Variants in TMEM132B observed in about 807,000 individuals in gnomAD.
The protein encoded by TMEM132B is transmembrane protein 132B.
In TMEM132B, 18 loss-of-function variants were observed where a neutral mutation model predicts 90.8. That is an observed-to-expected ratio of 0.20 (90% CI 0.14 to 0.29). TMEM132B has a LOEUF of 0.29. Ranked by LOEUF, TMEM132B falls within the 10% of genes least tolerant of loss-of-function variation. TMEM132B has a pLI of 1.00. For missense variants in TMEM132B, 1,096 were observed against 1,326.8 expected (o/e 0.83, Z 2.70); for synonymous variants, 504 against 523.3 (o/e 0.96, Z 0.50).
chr12:125,490,345 G>T lies in TMEM132B; in HGVS notation c.1107-29094G>T, dbSNP rs1269680802. On this transcript the variant is annotated intron_variant, in intron 3 of 8. Coordinates refer to ENST00000682704, the MANE Select transcript of TMEM132B (RefSeq NM_001366854.1). The surrounding 1 kb of genome is among the most constrained non-coding windows in gnomAD (Gnocchi z 4.2). ...GGGAATTCATACCCGTATCTGCCCA[G>T]CCTCAAAGTTCAACTCTTGTTGATG... Among the ~76,000 whole-genome samples the T allele has an allele frequency of 2.0e-5, 3 of 152,086 alleles. No homozygotes were observed. The highest frequency in any genetic ancestry group is 4.4e-5 in the Non-Finnish European group (3 of 68,024).
chr12:125,462,281 T>A (rs527847318), intron 3 of TMEM132B, among the ~76,000 whole-genome samples: 8 of 152,338 alleles, frequency 5.3e-5, no homozygotes, highest in African/African-American at 1.9e-4. Flanking sequence ...GCCAATTTGA[T>A]TCCTAAGTAG....
intron 3 of TMEM132B, among the ~76,000 whole-genome samples, chr12:125,479,191 A>C (rs1881973272): frequency 6.6e-6 from 1 of 152,238 alleles, no homozygotes; most frequent in African/African-American, 2.4e-5. Context: ...TGCTAGGAAG[A>C]AACTGCATCA....
rs7136024 is a variant in TMEM132B at position 125,545,000 on chromosome 12, A to G, written c.1293+25375A>G. Among the ~76,000 whole-genome samples, 637 of 152,338 alleles carry G rather than the reference A, an allele frequency of 4.2e-3. 5 individuals are homozygous for G. Among genetic ancestry groups the G allele is most frequent in the African/African-American group, 0.014 (594 of 41,562 alleles). ...CTCCTATGGGTCAAATGGCTGTGTG[A>G]TTCAGAGAATATAAACTGTAGGCTT... is the stretch of plus-strand genomic sequence containing the variant. On this transcript the variant is annotated intron_variant, in intron 4 of 8. Transcript: ENST00000682704.
intron 1 of TMEM132B, among the ~76,000 whole-genome samples, chr12:125,208,492 G>C (rs1242660908): frequency 1.3e-5 from 2 of 152,152 alleles, no homozygotes; most frequent in African/African-American, 4.8e-5. Flanking sequence ...TCTGCTTTGT[G>C]TCTCTCCAGA....
At chr12:125,476,127 G>T (rs1881875252) in intron 3 of TMEM132B, among the ~76,000 whole-genome samples, 1 of 152,158 alleles carries the variant, frequency 6.6e-6, no homozygotes, top group African/African-American at 2.4e-5. Flanking sequence ...AAAATGGAAA[G>T]AACTGGCCAT....
In TMEM132B at chr12:125,619,923, C is replaced by T. The variant is rs77510099; in HGVS notation, c.1438-24153C>T. Among the ~76,000 whole-genome samples the T allele has an allele frequency of 1.9e-3, 291 of 152,216 alleles. 2 individuals carry two copies. The highest frequency in any genetic ancestry group is 2.4e-3 in the Non-Finnish European group (163 of 68,024). On this transcript the variant is annotated intron_variant, in intron 5 of 8. Transcript: ENST00000682704. ...AAGCACCCTCTGTATGAGGAGTTGC[C>T]AACAGTGATTTAGGGAAGACAATGG...
At chr12:125,396,843 A>G (rs948686381) in intron 2 of TMEM132B, among the ~76,000 whole-genome samples, 7 of 152,216 alleles carry the variant, frequency 4.6e-5, no homozygotes, top group Admixed American at 4.6e-4. Context: ...TTTACAGGTG[A>G]GGAAACAGAG....
intron 5 of TMEM132B, among the ~76,000 whole-genome samples, chr12:125,589,458 G>A (rs1197193630): frequency 7.3e-6 from 1 of 137,110 alleles, no homozygotes; most frequent in South Asian, 2.3e-4. Flanking sequence ...CCCCAGCCCG[G>A]GTGACAGAGC....
At chr12:125,472,022 G>A (rs930691425) in intron 3 of TMEM132B, among the ~76,000 whole-genome samples, 1 of 152,096 alleles carries the variant, frequency 6.6e-6, no homozygotes, top group African/African-American at 2.4e-5. Context: ...ATACATAGTG[G>A]GTGCTCAATA....
chr12:125,339,666 G>A (rs897412921), intron 1 of TMEM132B, among the ~76,000 whole-genome samples: 2 of 152,200 alleles, frequency 1.3e-5, no homozygotes, highest in African/African-American at 4.8e-5. Context: ...TGTGGGTGTT[G>A]GTGGTGTGTC....
chr12:125,564,955 G>T (rs1488826154), intron 4 of TMEM132B, among the ~76,000 whole-genome samples: 1 of 152,094 alleles, frequency 6.6e-6, no homozygotes, highest in East Asian at 1.9e-4. Flanking sequence ...GATGAGTAGG[G>T]GTTTTCCATG....
intron 5 of TMEM132B, among the ~76,000 whole-genome samples, chr12:125,633,119 T>G (rs1886404969): frequency 6.6e-6 from 1 of 152,170 alleles, no homozygotes; most frequent in African/African-American, 2.4e-5. Flanking sequence ...TTTTTTTAAA[T>G]TTTGTCTCCT....
intron 1 of TMEM132B, among the ~76,000 whole-genome samples, chr12:125,292,538 A>C (rs1179662540): frequency 6.6e-6 from 1 of 152,244 alleles, no homozygotes; most frequent in Non-Finnish European, 1.5e-5. Context: ...CTCAACTCAA[A>C]ACTGGCTTGC....
Position 125,541,496 on chromosome 12 carries a change from G to C in TMEM132B, c.1293+21871G>C, listed in dbSNP as rs7136276. 4.2e-3 allele frequency among the ~76,000 whole-genome samples: 646 copies of C among 152,268 alleles called. 6 individuals are homozygous for C. The highest frequency in any genetic ancestry group is 0.014 in the African/African-American group (600 of 41,546). ...CTGCATGGGCCTTGAAAAGTGAGAG[G>C]TTGGAGTGTCAAATAAATATGGAAG... On this transcript the variant is annotated intron_variant, in intron 4 of 8. Transcript: ENST00000682704.
chr12:125,254,743 G>A (rs140995119), intron 1 of TMEM132B, among the ~76,000 whole-genome samples: 3,183 of 149,828 alleles, frequency 0.021, 130 homozygotes, highest in African/African-American at 0.075. Flanking sequence ...GAGTGCGGTG[G>A]CACAATCTCA....
intron 3 of TMEM132B, among the ~76,000 whole-genome samples, chr12:125,513,346 G>A (rs1029503916): frequency 3.9e-5 from 6 of 152,174 alleles, no homozygotes; most frequent in African/African-American, 1.2e-4. Flanking sequence ...GTGCCTGTGT[G>A]CGTGTGTGCG....
intron 2 of TMEM132B, among the ~76,000 whole-genome samples, chr12:125,397,749 G>A (rs1280833002): frequency 9.9e-5 from 15 of 152,208 alleles, no homozygotes; most frequent in Non-Finnish European, 2.2e-4. Context: ...GAATTTAGAT[G>A]TGATCTGAAG....
At chr12:125,237,047 A>G (rs1473142758) in intron 1 of TMEM132B, among the ~76,000 whole-genome samples, 1 of 152,258 alleles carries the variant, frequency 6.6e-6, no homozygotes. Context: ...CTAAAGAGGC[A>G]TGAAGGAGCT....
intron 1 of TMEM132B, among the ~76,000 whole-genome samples, chr12:125,264,755 C>T (rs1310863141): frequency 2.6e-5 from 4 of 152,234 alleles, no homozygotes; most frequent in African/African-American, 9.6e-5. Context: ...TTCTGGTCTG[C>T]TTCTCCTTCA....
Sources: gnomAD v4.1 joint callset for allele counts (sites outside exome capture counted in the v4.1 genomes callset) on GRCh38, gnomAD v4.1.1 for gene constraint, Gnocchi (gnomAD v3.1) non-coding constraint, MANE v1.5 for transcripts, NCBI Gene and HGNC (gene_info 2026-07-23, HGNC 2026-07-21) for gene names.